The following RUNX2 variants were observed in gnomAD, a reference collection of about 807,000 sequenced individuals.
RUNX2 encodes the protein RUNX family transcription factor 2.
Under a neutral mutation model 51.7 loss-of-function variants are expected in RUNX2, and 10 were observed. That is an observed-to-expected ratio of 0.19 (90% confidence interval 0.12 to 0.33). RUNX2 has a LOEUF of 0.33. Ranked by LOEUF, RUNX2 falls within the 10% of genes least tolerant of loss-of-function variation. The pLI is 1.00. For missense variants in RUNX2, 562 were observed against 691.3 expected (o/e 0.81, Z 2.10); for synonymous variants, 276 against 273.6 (o/e 1.01, Z -0.09).
At chr6:45,371,412 A>C (rs1164924404) in intron 2 of RUNX2, among the ~76,000 whole-genome samples, 3 of 135,774 alleles carry the variant, frequency 2.2e-5, no homozygotes, top group Non-Finnish European at 4.9e-5. Flanking sequence ...TTTTTTTTTC[A>C]CAATTACCCT....
Position 45,543,176 on chromosome 6 carries a change from C to A in RUNX2, c.1022-2041C>A, listed in dbSNP as rs545069787. Among the ~76,000 whole-genome samples, 5 of 152,196 alleles carry A rather than the reference C, an allele frequency of 3.3e-5. No individual in the cohort carries two copies. The South Asian group carries it at 1.0e-3, about 32-fold the overall frequency. The stretch of plus-strand genomic sequence containing the variant: ...TTCCCCAAGTTGAGTAAAACCAACC[C>A]ATCAGGAAAATGCACGATGATTATC... On this transcript the variant is annotated intron_variant, in intron 7 of 8. Transcript: ENST00000647337.
intron 2 of RUNX2, among the ~76,000 whole-genome samples, chr6:45,396,651 T>C (rs1797587715): frequency 6.6e-6 from 1 of 152,196 alleles, no homozygotes; most frequent in African/African-American, 2.4e-5. Context: ...AGCGATCCTC[T>C]TGCCTTGATC....
In RUNX2 at chr6:45,495,725, T is replaced by C. The variant is rs115761025; in HGVS notation, c.859+3611T>C. Among the ~76,000 whole-genome samples the C allele has an allele frequency of 6.9e-3, 1,049 of 152,298 alleles. 14 individuals are homozygous for C. The highest frequency in any genetic ancestry group is 0.024 in the African/African-American group (998 of 41,556). On this transcript the variant is annotated intron_variant, in intron 6 of 8. Transcript: ENST00000647337. Reference sequence around the variant, plus strand: ...TTGCCAACATAAAAGGCAGAAGACGTCTTTAAACTCCCAGAAGAGTGAAGT... The same window carrying C: ...TTGCCAACATAAAAGGCAGAAGACGCCTTTAAACTCCCAGAAGAGTGAAGT...
intron 5 of RUNX2, among the ~76,000 whole-genome samples, chr6:45,461,278 T>C (rs1344329722): frequency 6.6e-6 from 1 of 152,188 alleles, no homozygotes; most frequent in Non-Finnish European, 1.5e-5. Flanking sequence ...GGGCTTTGGA[T>C]TGCCACCTGA....
intron 5 of RUNX2, among the ~76,000 whole-genome samples, chr6:45,484,449 C>T (rs1800208385): frequency 6.6e-6 from 1 of 152,152 alleles, no homozygotes. Flanking sequence ...TCACAAACCA[C>T]CAGTGAAATG....
chr6:45,518,867 G>A (rs1801414570), intron 7 of RUNX2, among the ~76,000 whole-genome samples: 1 of 152,124 alleles, frequency 6.6e-6, no homozygotes, highest in Non-Finnish European at 1.5e-5. Flanking sequence ...ATTTTCTAAC[G>A]ATAGATACAG....
intron 5 of RUNX2, among the ~76,000 whole-genome samples, chr6:45,465,725 C>T (rs1055011000): frequency 6.6e-6 from 1 of 151,222 alleles, no homozygotes; most frequent in Non-Finnish European, 1.5e-5. Flanking sequence ...TCACTGAAGC[C>T]TCTAGGCTCA....
intron 5 of RUNX2, among the ~76,000 whole-genome samples, chr6:45,483,441 C>T (rs1238004506): frequency 1.3e-5 from 2 of 151,794 alleles, no homozygotes; most frequent in Admixed American, 6.6e-5. Flanking sequence ...ATTCAGCAAT[C>T]ATTTGTTGTG....
chr6:45,484,652 G>A (rs1188830961), intron 5 of RUNX2, among the ~76,000 whole-genome samples: 1 of 152,128 alleles, frequency 6.6e-6, no homozygotes, highest in South Asian at 2.1e-4. Flanking sequence ...TCTTCCTTGT[G>A]CTATTGCTTT....
chr6:45,464,922 T>C (rs544720914), intron 5 of RUNX2, among the ~76,000 whole-genome samples: 1 of 152,348 alleles, frequency 6.6e-6, no homozygotes, highest in East Asian at 1.9e-4. Context: ...GGAACATTTA[T>C]CTATCATATG....
intron 2 of RUNX2, among the ~76,000 whole-genome samples, chr6:45,393,431 AT>A (rs112000848): frequency 0.076 from 11,057 of 146,290 alleles, 743 homozygotes; most frequent in African/African-American, 0.19. Flanking sequence ...GTAAAGTAAG[AT>A]TTTTTTTTTT....
intron 2 of RUNX2, among the ~76,000 whole-genome samples, chr6:45,335,214 T>A (rs975291715): frequency 4.6e-5 from 7 of 151,246 alleles, no homozygotes; most frequent in Non-Finnish European, 1.0e-4. Flanking sequence ...AACTTCCCAG[T>A]TTAAGACTTC....
At chr6:45,371,777 A>C in intron 2 of RUNX2, 2 of 950,340 alleles carry the variant, frequency 2.1e-6, no homozygotes, top group Non-Finnish European at 2.5e-6. Flanking sequence ...ATAAGCAACT[A>C]TAACAGACAA....
Position 45,335,459 on chromosome 6 carries a change from T to C in RUNX2, c.58+6675T>C, listed in dbSNP as rs140710009. Among the ~76,000 whole-genome samples the C allele has an allele frequency of 3.0e-3, 453 of 151,352 alleles. 2 individuals carry two copies. The highest frequency in any genetic ancestry group is 5.5e-3 in the Non-Finnish European group (369 of 67,344). ...AAAAGGTACACAGTATGGATTCTCT[T>C]CAATCAATTACAATTTTATTATAAG... On this transcript the variant is annotated intron_variant, in intron 2 of 8. Coordinates refer to ENST00000647337, the MANE Select transcript of RUNX2 (RefSeq NM_001024630.4).
chr6:45,387,348 G>C (rs1226906502), intron 2 of RUNX2, among the ~76,000 whole-genome samples: 2 of 152,164 alleles, frequency 1.3e-5, no homozygotes, highest in African/African-American at 4.8e-5. Flanking sequence ...GTTCAAGAGA[G>C]TGGCTGCACA....
chr6:45,417,942 T>C (rs999279872), intron 2 of RUNX2, among the ~76,000 whole-genome samples: 1 of 152,234 alleles, frequency 6.6e-6, no homozygotes, highest in East Asian at 1.9e-4. Context: ...TGACGACTCC[T>C]GGTCTAGTGG....
At chr6:45,340,455 C>G (rs753014328) in intron 2 of RUNX2, among the ~76,000 whole-genome samples, 8 of 152,002 alleles carry the variant, frequency 5.3e-5, no homozygotes, top group Non-Finnish European at 8.8e-5. Flanking sequence ...TCCCAGGTAG[C>G]TTGGACTACA....
At chr6:45,429,552 A>G in intron 3 of RUNX2, among the ~76,000 whole-genome samples, 1 of 152,300 alleles carries the variant, frequency 6.6e-6, no homozygotes, top group East Asian at 1.9e-4. Flanking sequence ...AAGGGATTTT[A>G]CTTTTGATCC....
intron 2 of RUNX2, among the ~76,000 whole-genome samples, chr6:45,372,918 A>C (rs950072442): frequency 6.6e-6 from 1 of 152,100 alleles, no homozygotes; most frequent in Non-Finnish European, 1.5e-5. Context: ...CCAGGGTTCA[A>C]GCGATTCTGA....
Sources: allele counts gnomAD v4.1 joint callset (sites outside exome capture counted in the v4.1 genomes callset), GRCh38; gene constraint gnomAD v4.1.1; transcripts MANE v1.5; gene names NCBI Gene and HGNC (gene_info 2026-07-23, HGNC 2026-07-21).